CNTN5: variants seen among roughly 807,000 people sequenced by gnomAD.
CNTN5 encodes the protein contactin-5.
In CNTN5, 77 loss-of-function variants were observed where a neutral mutation model predicts 129.1. The observed-to-expected ratio is 0.60, with a 90% CI of 0.50 to 0.72. CNTN5 has a LOEUF of 0.72. Ranked by LOEUF, CNTN5 falls within the 30% of genes least tolerant of loss-of-function variation. The pLI, the probability that CNTN5 is intolerant of heterozygous loss-of-function variation, is 0.00. For synonymous variants in CNTN5, 509 were observed against 465.6 expected (o/e 1.09, Z -1.20); for missense variants, 1,478 against 1,328.8 (o/e 1.11, Z -1.75).
At chr11:99,694,582 C>T (rs542649660) in intron 3 of CNTN5, among the ~76,000 whole-genome samples, 1 of 152,144 alleles carries the variant, frequency 6.6e-6, no homozygotes, top group Admixed American at 6.5e-5. Flanking sequence ...AGGTTTGTTA[C>T]TTAGGTATAC....
intron 3 of CNTN5, among the ~76,000 whole-genome samples, chr11:99,558,777 T>C (rs915071775): frequency 6.6e-6 from 1 of 152,062 alleles, no homozygotes; most frequent in Non-Finnish European, 1.5e-5. Context: ...TCAAATGTTA[T>C]AGGCAAAGCA....
intron 16 of CNTN5, among the ~76,000 whole-genome samples, chr11:100,242,969 A>T (rs764273558): frequency 1.3e-5 from 2 of 152,238 alleles, no homozygotes; most frequent in Non-Finnish European, 2.9e-5. Context: ...AGACCAGCAG[A>T]TACCGCGAAA....
chr11:99,594,708 G>A (rs988579065), intron 3 of CNTN5, among the ~76,000 whole-genome samples: 3 of 152,158 alleles, frequency 2.0e-5, no homozygotes, highest in African/African-American at 2.4e-5. Flanking sequence ...GGTGGTTAAC[G>A]ATGGTTTGCC....
At chr11:99,955,618 G>A (rs1411555385) in intron 7 of CNTN5, among the ~76,000 whole-genome samples, 1 of 151,852 alleles carries the variant, frequency 6.6e-6, no homozygotes, top group African/African-American at 2.4e-5. Context: ...GGAGTGCAGC[G>A]GCATGACCTC....
chr11:99,955,747 G>T (rs564386596), intron 7 of CNTN5, among the ~76,000 whole-genome samples: 1 of 151,494 alleles, frequency 6.6e-6, no homozygotes, highest in Non-Finnish European at 1.5e-5. Context: ...TTAATTTTTA[G>T]TAGAGACGGG....
chr11:99,338,277 C>T lies in CNTN5; in HGVS notation c.-71+12793C>T, dbSNP rs138732338. 2.6e-5 allele frequency among the ~76,000 whole-genome samples: 4 copies of T among 152,296 alleles called. No homozygotes were observed. In the East Asian group the frequency reaches 7.7e-4, roughly 29 times the overall value. ...GTCAAACAGCTCTATACTTGAGTCT[C>T]ATTCTTTTTCTTTCATAAAACTGCT... On this transcript the variant is annotated intron_variant, in intron 2 of 24. Coordinates refer to ENST00000524871, the MANE Select transcript of CNTN5 (RefSeq NM_014361.4).
chr11:99,752,616 T>G (rs1248365028), intron 3 of CNTN5, among the ~76,000 whole-genome samples: 1 of 152,208 alleles, frequency 6.6e-6, no homozygotes, highest in Admixed American at 6.5e-5. Context: ...TCCATTCATG[T>G]TATTACTAAA....
chr11:99,830,998 A>G (rs956071311), intron 4 of CNTN5, among the ~76,000 whole-genome samples: 6 of 152,140 alleles, frequency 3.9e-5, no homozygotes, highest in African/African-American at 9.7e-5. Context: ...TTTGAACACA[A>G]TAGTGGATTT....
intron 9 of CNTN5, among the ~76,000 whole-genome samples, chr11:100,035,781 G>A (rs1308027015): frequency 6.6e-6 from 1 of 151,764 alleles, no homozygotes; most frequent in East Asian, 1.9e-4. Flanking sequence ...TTTGAGAAGT[G>A]TCTGTTCATA....
intron 8 of CNTN5, among the ~76,000 whole-genome samples, chr11:99,999,609 G>A (rs1225863891): frequency 6.6e-6 from 1 of 152,164 alleles, no homozygotes; most frequent in Non-Finnish European, 1.5e-5. Flanking sequence ...CGATTCCTCA[G>A]GGATCCAGAA....
chr11:99,844,468 T>G, intron 4 of CNTN5: 1 of 282,462 alleles, frequency 3.5e-6, no homozygotes, highest in Non-Finnish European at 6.8e-6. Flanking sequence ...ATATATTACT[T>G]TTGCGTGTGT....
chr11:99,256,345 C>T (rs1246622610), intron 1 of CNTN5, among the ~76,000 whole-genome samples: 2 of 151,874 alleles, frequency 1.3e-5, no homozygotes, highest in African/African-American at 4.8e-5. Context: ...AATGAGTGTT[C>T]CTTTGAATTG....
At chr11:99,716,978 T>C (rs972134253) in intron 3 of CNTN5, among the ~76,000 whole-genome samples, 5 of 152,120 alleles carry the variant, frequency 3.3e-5, no homozygotes, top group African/African-American at 1.2e-4. Flanking sequence ...AACTATGCTT[T>C]CATTTTCTTT....
At chr11:99,609,134 A>T (rs547762665) in intron 3 of CNTN5, among the ~76,000 whole-genome samples, 2 of 152,318 alleles carry the variant, frequency 1.3e-5, no homozygotes, top group South Asian at 4.1e-4. Context: ...GGATAAATGT[A>T]TAAAACTCCA....
At chr11:99,530,998 A>G (rs1947682811) in intron 2 of CNTN5, among the ~76,000 whole-genome samples, 1 of 152,234 alleles carries the variant, frequency 6.6e-6, no homozygotes, top group Admixed American at 6.5e-5. Context: ...AAACTGGGGA[A>G]GCAACTTTGA....
At chr11:99,213,486 A>G (rs553069710) in intron 1 of CNTN5, among the ~76,000 whole-genome samples, 2,129 of 105,706 alleles carry the variant, frequency 0.02, 36 homozygotes, top group African/African-American at 0.04. Flanking sequence ...ATACACACAT[A>G]TATATATATA....
At chr11:99,269,842 A>T (rs1227515622) in intron 1 of CNTN5, among the ~76,000 whole-genome samples, 1 of 151,936 alleles carries the variant, frequency 6.6e-6, no homozygotes, top group African/African-American at 2.4e-5. Flanking sequence ...AAATTGCAGA[A>T]TTTGATTTTC....
chr11:99,231,633 T>C (rs1284778306), intron 1 of CNTN5, among the ~76,000 whole-genome samples: 2 of 152,232 alleles, frequency 1.3e-5, no homozygotes, highest in Admixed American at 6.5e-5. Flanking sequence ...TAATTTCCTG[T>C]GCAGAAGCTC....
intron 2 of CNTN5, among the ~76,000 whole-genome samples, chr11:99,540,581 A>AT (rs1948067598): frequency 6.6e-6 from 1 of 152,100 alleles, no homozygotes; most frequent in Non-Finnish European, 1.5e-5. Context: ...TCAAGAAAAA[A>AT]TTTTTTTCAA....
Sources: allele counts gnomAD v4.1 joint callset (sites outside exome capture counted in the v4.1 genomes callset), GRCh38; gene constraint gnomAD v4.1.1; transcripts MANE v1.5; gene names NCBI Gene and HGNC (gene_info 2026-07-23, HGNC 2026-07-21).